The following KAT2B variants were observed in gnomAD, a reference collection of about 807,000 sequenced individuals.
KAT2B encodes histone acetyltransferase KAT2B.
KAT2B carries 36 observed loss-of-function variants against 105.9 expected under a neutral mutation model. The observed-to-expected ratio is 0.34, with a 90% CI of 0.26 to 0.45. The LOEUF (loss-of-function observed/expected upper bound fraction) is 0.45, where lower values mean the gene tolerates loss of function less well. Ranked by LOEUF, KAT2B falls within the 20% of genes least tolerant of loss-of-function variation. KAT2B has a pLI of 1.00. For missense variants in KAT2B, 820 were observed against 1,021.6 expected (o/e 0.80, Z 2.69); for synonymous variants, 397 against 377.9 (o/e 1.05, Z -0.59).
chr3:20,060,818 G>T (rs1396875678), intron 1 of KAT2B, among the ~76,000 whole-genome samples: 4 of 151,988 alleles, frequency 2.6e-5, no homozygotes, highest in Non-Finnish European at 5.9e-5. Context: ...AGAGGTACAT[G>T]CCTGTGGTCC....
intron 2 of KAT2B, among the ~76,000 whole-genome samples, chr3:20,094,271 G>A (rs967319142): frequency 6.6e-6 from 1 of 152,082 alleles, no homozygotes; most frequent in Non-Finnish European, 1.5e-5. Context: ...GAGAGCGAGC[G>A]AGCGAGGAGG....
intron 2 of KAT2B, among the ~76,000 whole-genome samples, chr3:20,084,922 A>G (rs1360615094): frequency 6.6e-6 from 1 of 152,226 alleles, no homozygotes; most frequent in Non-Finnish European, 1.5e-5. Context: ...AAATCATGGC[A>G]TGTACTTCCA....
Position 20,140,446 on chromosome 3 carries a change from T to C in KAT2B, c.2004+82T>C. The C allele has an allele frequency of 2.1e-6, 3 of 1,424,494 alleles. No individual in the cohort carries two copies. The South Asian group carries it at 3.6e-5, about 17-fold the overall frequency. The allele number at this position is 1,424,494 out of a possible 1,614,324, so 88.2% of individuals were successfully genotyped here. A position where few individuals can be genotyped will look rare whatever the true frequency, so the allele number is the denominator to read the frequency against. The stretch of plus-strand genomic sequence containing the variant: ...GTTGCATTTCCTTGGGTGCTGCGTG[T>C]ATGTGTTTACTGGATAGCAAACTCT... On this transcript the variant is annotated intron_variant, in intron 13 of 17. Coordinates refer to ENST00000263754, the MANE Select transcript of KAT2B (RefSeq NM_003884.5).
intron 3 of KAT2B, among the ~76,000 whole-genome samples, chr3:20,097,435 A>C (rs1352028504): frequency 6.6e-6 from 1 of 152,242 alleles, no homozygotes; most frequent in African/African-American, 2.4e-5. Flanking sequence ...CACCTCCTGC[A>C]AAAAGTATTA....
At chr3:20,110,188 G>A (rs1246423130) in intron 5 of KAT2B, among the ~76,000 whole-genome samples, 2 of 152,136 alleles carry the variant, frequency 1.3e-5, no homozygotes, top group East Asian at 1.9e-4. Context: ...AGGGAGGAGA[G>A]GTTTGATTTT....
intron 1 of KAT2B, among the ~76,000 whole-genome samples, chr3:20,048,850 G>T (rs1048799059): frequency 6.6e-6 from 1 of 152,134 alleles, no homozygotes; most frequent in African/African-American, 2.4e-5. Flanking sequence ...TTCCCTCTAT[G>T]CTGGGTGCCT....
chr3:20,151,577 G>A (rs1699870817), intron 17 of KAT2B, among the ~76,000 whole-genome samples: 2 of 152,066 alleles, frequency 1.3e-5, no homozygotes, highest in African/African-American at 4.8e-5. Flanking sequence ...AATCTGCATA[G>A]AATTCCTTAA....
At chr3:20,042,592 C>T (rs1210130233) in intron 1 of KAT2B, among the ~76,000 whole-genome samples, 1 of 152,160 alleles carries the variant, frequency 6.6e-6, no homozygotes, top group Non-Finnish European at 1.5e-5. Context: ...CGTTTCGCAG[C>T]CAAAGTGGGC....
chr3:20,141,540 T>C (rs1450557847), intron 13 of KAT2B, among the ~76,000 whole-genome samples: 1 of 152,172 alleles, frequency 6.6e-6, no homozygotes, highest in African/African-American at 2.4e-5. Context: ...ACTTCTGTTA[T>C]TCGTTTAGTG....
rs2293140 is a variant in KAT2B, at chr3:20,095,119, C to T, written c.431-144C>T. 240,461 of 624,648 alleles carry T rather than the reference C, an allele frequency of 0.38. 48,965 individuals carry two copies. The highest frequency in any genetic ancestry group is 0.64 in the East Asian group (22,884 of 35,778). 38.7% of individuals were successfully genotyped at this position (624,648 alleles called of 1,614,324 possible). A position where few individuals can be genotyped will look rare whatever the true frequency, so the allele number is the denominator to read the frequency against. On this transcript the variant is annotated intron_variant, in intron 2 of 17. Coordinates refer to ENST00000263754, the MANE Select transcript of KAT2B (RefSeq NM_003884.5). Reference sequence around the variant, plus strand: ...ATTTTGTGAGAAGACTTCAGTCCTACAGGAGTTCAGAAATTTTCTCTTATT... The same window carrying T: ...ATTTTGTGAGAAGACTTCAGTCCTATAGGAGTTCAGAAATTTTCTCTTATT...
At chr3:20,064,700 A>G (rs905910988) in intron 1 of KAT2B, among the ~76,000 whole-genome samples, 1 of 152,226 alleles carries the variant, frequency 6.6e-6, no homozygotes, top group African/African-American at 2.4e-5. Flanking sequence ...AATAATGGCA[A>G]TAATTCATAC....
At chr3:20,136,327 T>C (rs937173206) in intron 11 of KAT2B, among the ~76,000 whole-genome samples, 4 of 152,212 alleles carry the variant, frequency 2.6e-5, no homozygotes, top group Non-Finnish European at 5.9e-5. Context: ...TTCAACATTG[T>C]TGACTACCTT....
intron 2 of KAT2B, among the ~76,000 whole-genome samples, chr3:20,076,502 C>T (rs1698421599): frequency 6.6e-6 from 1 of 152,128 alleles, no homozygotes; most frequent in Non-Finnish European, 1.5e-5. Flanking sequence ...TCTGAGATTA[C>T]TCTTCCTTCC....
chr3:20,054,757 C>T (rs1244661827), intron 1 of KAT2B, among the ~76,000 whole-genome samples: 1 of 152,182 alleles, frequency 6.6e-6, no homozygotes, highest in Admixed American at 6.5e-5. Flanking sequence ...TGGCAGAATG[C>T]CAAAGATGCC....
intron 2 of KAT2B, among the ~76,000 whole-genome samples, chr3:20,078,153 C>G (rs929752218): frequency 1.3e-5 from 2 of 152,024 alleles, no homozygotes; most frequent in African/African-American, 4.8e-5. Flanking sequence ...GCACTCCAGC[C>G]TGGGTGGCAG....
intron 1 of KAT2B, among the ~76,000 whole-genome samples, chr3:20,060,202 A>G (rs745373528): frequency 5.9e-5 from 9 of 152,214 alleles, no homozygotes; most frequent in Non-Finnish European, 1.0e-4. Flanking sequence ...TCTGCATGCA[A>G]GTCTTAGTAT....
At chr3:20,115,963 G>T (rs942225547) in intron 7 of KAT2B, among the ~76,000 whole-genome samples, 1 of 152,130 alleles carries the variant, frequency 6.6e-6, no homozygotes, top group Non-Finnish European at 1.5e-5. Context: ...TCAAGTTTAG[G>T]TGTAAATATA....
chr3:20,053,371 A>G (rs1488414980), intron 1 of KAT2B, among the ~76,000 whole-genome samples: 2 of 152,140 alleles, frequency 1.3e-5, no homozygotes, highest in Non-Finnish European at 2.9e-5. Context: ...CCCCATCTCT[A>G]TAAAAATACA....
At chr3:20,071,343 A>G (rs551567120) in intron 1 of KAT2B, among the ~76,000 whole-genome samples, 3 of 152,334 alleles carry the variant, frequency 2.0e-5, no homozygotes, top group Admixed American at 6.5e-5. Context: ...TATTCTAACA[A>G]TGTATCTTCT....
Sources: gnomAD v4.1 joint callset for allele counts (sites outside exome capture counted in the v4.1 genomes callset) on GRCh38, gnomAD v4.1.1 for gene constraint, MANE v1.5 for transcripts, NCBI Gene and HGNC (gene_info 2026-07-23, HGNC 2026-07-21) for gene names.